Variants in FSTL5 observed in about 807,000 individuals in gnomAD.
FSTL5 encodes the protein follistatin-related protein 5.
Under a neutral mutation model 89.1 loss-of-function variants are expected in FSTL5, and 62 were observed. That is an observed-to-expected ratio of 0.70 (90% CI 0.57 to 0.86). The LOEUF is 0.86. Ranked by LOEUF, FSTL5 falls within the 40% of genes least tolerant of loss-of-function variation. The pLI is 0.00. For missense variants in FSTL5, 1,057 were observed against 1,001.6 expected (o/e 1.06, Z -0.75); for synonymous variants, 383 against 346.2 (o/e 1.11, Z -1.18).
At chr4:161,873,909 G>T (rs1216230973) in intron 4 of FSTL5, among the ~76,000 whole-genome samples, 1 of 151,892 alleles carries the variant, frequency 6.6e-6, no homozygotes, top group African/African-American at 2.4e-5. Context: ...TTTTAGTTGT[G>T]TGACTGTATT....
rs528530873 is a variant in FSTL5 at position 161,468,466 on chromosome 4, TG to T, written c.1609-9148del. On this transcript the variant is annotated intron_variant, in intron 13 of 15. Coordinates refer to ENST00000306100, the MANE Select transcript of FSTL5 (RefSeq NM_020116.5). ...CTGAATTATAGCAGCAGGTCTACAC[TG>T]GCTTTTTAGATTGCTGCCCGCAAGC... 2.8e-3 allele frequency among the ~76,000 whole-genome samples: 429 copies of T among 152,252 alleles called. 3 individuals carry two copies. Among genetic ancestry groups the T allele is most frequent in the Non-Finnish European group, 5.0e-3 (342 of 67,996 alleles).
chr4:162,156,601 G>C (rs1733483599), intron 1 of FSTL5, among the ~76,000 whole-genome samples: 3 of 152,106 alleles, frequency 2.0e-5, no homozygotes. Flanking sequence ...AGCAATGTGG[G>C]TGCAGCTGGA....
At chr4:161,890,077 T>C (rs1732938572) in intron 4 of FSTL5, among the ~76,000 whole-genome samples, 2 of 152,098 alleles carry the variant, frequency 1.3e-5, no homozygotes, top group Non-Finnish European at 2.9e-5. Flanking sequence ...TTTACAAAAT[T>C]AGTACATCTT....
At chr4:161,750,410 TAC>T (rs1413515605) in intron 6 of FSTL5, among the ~76,000 whole-genome samples, 1 of 152,158 alleles carries the variant, frequency 6.6e-6, no homozygotes, top group Non-Finnish European at 1.5e-5. Flanking sequence ...ATGAATAATA[TAC>T]ACTTAATGCT....
chr4:161,775,628 G>A (rs1263227387), intron 5 of FSTL5, among the ~76,000 whole-genome samples: 5 of 151,732 alleles, frequency 3.3e-5, no homozygotes, highest in Admixed American at 6.6e-5. Flanking sequence ...ATTCCTTTAG[G>A]TATTTAAGAT....
chr4:162,140,662 A>G (rs1333823069), intron 1 of FSTL5, among the ~76,000 whole-genome samples: 1 of 152,190 alleles, frequency 6.6e-6, no homozygotes, highest in East Asian at 1.9e-4. Flanking sequence ...TTGATAATAC[A>G]TTAAGGATAG....
Position 161,644,498 on chromosome 4 carries a change from C to T in FSTL5, c.894+11830G>A, listed in dbSNP as rs187904887. On this transcript the variant is annotated intron_variant, in intron 7 of 15. Transcript: ENST00000306100. ...CCGAGGCCGCACCATTGCACTGCAG[C>T]CAGGGCAATAAGAATGAAACTCTGT... Among the ~76,000 whole-genome samples the T allele has an allele frequency of 6.0e-3, 906 of 149,966 alleles. 9 individuals are homozygous for T. The highest frequency in any genetic ancestry group is 0.046 in the South Asian group (218 of 4,742).
chr4:161,602,436 G>C (rs1217853968), intron 7 of FSTL5, among the ~76,000 whole-genome samples: 1 of 151,474 alleles, frequency 6.6e-6, no homozygotes, highest in South Asian at 2.1e-4. Flanking sequence ...AATAGAACAG[G>C]GTATCCAAAA....
intron 7 of FSTL5, among the ~76,000 whole-genome samples, chr4:161,617,047 C>A (rs1734899219): frequency 6.6e-6 from 1 of 150,934 alleles, no homozygotes; most frequent in African/African-American, 2.4e-5. Flanking sequence ...CAATAAGTAC[C>A]AAAAGACCTT....
In FSTL5 at chr4:161,759,523, T is replaced by C. The variant is rs1419968105; in HGVS notation, c.615A>G (p.Lys205=). Residue 205 remains lysine, a synonymous_variant, in exon 6 of 16, where the codon AAA becomes AAG. Coordinates refer to ENST00000306100, the MANE Select transcript of FSTL5 (RefSeq NM_020116.5). ...AGAGATCCTTGCCAAGTTCTTCCTG[T>C]TTTATCACCTAACAAGAAAATTATA... ...VDINELTQVI[K]QEELGKDLFD... The C allele has an allele frequency of 1.3e-6, 2 of 1,542,976 alleles. No individual in the cohort carries two copies. Among genetic ancestry groups the C allele is most frequent in the African/African-American group, 1.4e-5 (1 of 71,702 alleles).
At chr4:161,539,983 C>T (rs1284491485) in intron 9 of FSTL5, among the ~76,000 whole-genome samples, 1 of 143,676 alleles carries the variant, frequency 7.0e-6, no homozygotes, top group Non-Finnish European at 1.5e-5. Flanking sequence ...AAATAAATTT[C>T]TTCCTTCTTT....
chr4:161,893,887 T>G (rs1323896360), intron 4 of FSTL5, among the ~76,000 whole-genome samples: 1 of 152,196 alleles, frequency 6.6e-6, no homozygotes, highest in Non-Finnish European at 1.5e-5. Flanking sequence ...GGTGCCTAAA[T>G]ATTTTCATTG....
At chr4:161,589,944 G>A (rs529641874) in intron 7 of FSTL5, among the ~76,000 whole-genome samples, 2 of 151,924 alleles carry the variant, frequency 1.3e-5, no homozygotes, top group Non-Finnish European at 1.5e-5. Flanking sequence ...CACTCATACC[G>A]TAACACAAAA....
At chr4:161,951,990 C>A (rs1048192125) in intron 3 of FSTL5, among the ~76,000 whole-genome samples, 21 of 152,000 alleles carry the variant, frequency 1.4e-4, no homozygotes, top group Middle Eastern at 3.4e-3. Context: ...TTGAAATATT[C>A]TTCTAGGTAT....
chr4:161,422,124 A>G (rs532768334), intron 15 of FSTL5, among the ~76,000 whole-genome samples: 5 of 152,130 alleles, frequency 3.3e-5, no homozygotes, highest in Non-Finnish European at 7.4e-5. Flanking sequence ...GTCATAATAT[A>G]TATAGGGTAT....
At chr4:162,128,920 CT>C (rs11317941) in intron 1 of FSTL5, among the ~76,000 whole-genome samples, 64,347 of 128,722 alleles carry the variant, frequency 0.5, 15,008 homozygotes, top group Admixed American at 0.58. Context: ...CTGTTTGAGA[CT>C]TTTTTTTTTT....
At chr4:161,447,801 C>A (rs1019773625) in intron 15 of FSTL5, among the ~76,000 whole-genome samples, 51 of 152,100 alleles carry the variant, frequency 3.4e-4, no homozygotes, top group African/African-American at 1.1e-3. Flanking sequence ...TGAAGCTTTG[C>A]ACCCATGTAA....
chr4:162,055,304 C>T (rs1738502389), intron 2 of FSTL5, among the ~76,000 whole-genome samples: 2 of 151,380 alleles, frequency 1.3e-5, no homozygotes, highest in South Asian at 2.1e-4. Context: ...TCAATATATA[C>T]AAATGAATTA....
At chr4:162,086,616 A>G (rs1333340062) in intron 2 of FSTL5, among the ~76,000 whole-genome samples, 2 of 151,912 alleles carry the variant, frequency 1.3e-5, no homozygotes, top group Non-Finnish European at 2.9e-5. Context: ...TGCCAAATTT[A>G]TAGTTTATTT....
Sources: gnomAD v4.1 joint callset for allele counts (sites outside exome capture counted in the v4.1 genomes callset) on GRCh38, gnomAD v4.1.1 for gene constraint, MANE v1.5 for transcripts, NCBI Gene and HGNC (gene_info 2026-07-23, HGNC 2026-07-21) for gene names.